GRIK4: variants seen among roughly 807,000 people sequenced by gnomAD.
GRIK4 encodes glutamate ionotropic receptor kainate type subunit 4.
A neutral mutation model predicts 104.9 loss-of-function variants in GRIK4; 40 were observed. That is an observed-to-expected ratio of 0.38 (90% CI 0.30 to 0.50). GRIK4 has a LOEUF of 0.50. Among genes scored for constraint, GRIK4 ranks in the 20% least tolerant of loss-of-function variants. The probability of loss-of-function intolerance (pLI) is 0.93; values close to 1 mark genes in which losing one functional copy is unlikely to be tolerated. For synonymous variants in GRIK4, 485 were observed against 524.9 expected, an observed-to-expected ratio of 0.92 and a Z score of 1.04; for missense variants, 1,047 against 1,308.1, an observed-to-expected ratio of 0.80 and a Z score of 3.08.
Position 120,817,125 on chromosome 11 carries a change from C to T in GRIK4, c.345+1650C>T, listed in dbSNP as rs966788230. On this transcript the variant is annotated intron_variant, in intron 5 of 20. Coordinates refer to ENST00000527524, the MANE Select transcript of GRIK4 (RefSeq NM_014619.5). ...CCCCATCTTCTCTCTTCTGCATCCT[C>T]TTTTTCTTTCCTCCTCTCTCCCTTC... Among the ~76,000 whole-genome samples, 7 of 152,320 alleles carry T rather than the reference C, an allele frequency of 4.6e-5. No homozygotes were observed. The East Asian group carries it at 1.4e-3, about 29-fold the overall frequency.
At chr11:120,551,530 CA>C (rs1948139813) in intron 1 of GRIK4, among the ~76,000 whole-genome samples, 1 of 152,154 alleles carries the variant, frequency 6.6e-6, no homozygotes, top group South Asian at 2.1e-4. Context: ...CCTGCAATCC[CA>C]GCACTTTGGG....
At position 120,953,614 on chromosome 11, in the gene GRIK4, G is replaced by T. The variant is rs520332; in HGVS notation, c.1700+650G>T. Among the ~76,000 whole-genome samples the T allele has an allele frequency of 0.15, 23,444 of 152,186 alleles. 1,860 individuals are homozygous for T. The highest frequency in any genetic ancestry group is 0.27 in the Middle Eastern group (78 of 294). On this transcript the variant is annotated intron_variant, in intron 15 of 20. Transcript: ENST00000527524. This position sits in a 1 kb window ranked among gnomAD's most constrained non-coding sequence, Gnocchi z 4.9. ...GAGACGCACGGGCCAGACCAGGGAG[G>T]GGGGAGAATAAGCCCTGCCCTATCC...
At chr11:120,779,771 T>A (rs1952115187) in intron 3 of GRIK4, among the ~76,000 whole-genome samples, 1 of 152,258 alleles carries the variant, frequency 6.6e-6, no homozygotes, top group Non-Finnish European at 1.5e-5. Context: ...TCTCCTTGCC[T>A]GTTTTCTTTC....
intron 3 of GRIK4, among the ~76,000 whole-genome samples, chr11:120,748,094 G>A (rs562431779): frequency 4.6e-5 from 7 of 152,298 alleles, no homozygotes; most frequent in South Asian, 2.1e-4. Flanking sequence ...CTGAGGAGCA[G>A]CCTTCAGCCT....
intron 1 of GRIK4, among the ~76,000 whole-genome samples, chr11:120,628,881 C>A (rs1591752534): frequency 6.6e-6 from 1 of 152,178 alleles, no homozygotes; most frequent in Non-Finnish European, 1.5e-5. Flanking sequence ...TCCCTCCCTT[C>A]CTTCCTTTTT....
chr11:120,850,087 C>A (rs532094747), intron 8 of GRIK4, among the ~76,000 whole-genome samples: 1 of 152,172 alleles, frequency 6.6e-6, no homozygotes, highest in Non-Finnish European at 1.5e-5. Context: ...CCCATGACTG[C>A]TCCATCTCAT....
At chr11:120,781,605 G>A (rs1952159051) in intron 3 of GRIK4, among the ~76,000 whole-genome samples, 1 of 152,116 alleles carries the variant, frequency 6.6e-6, no homozygotes. Context: ...TCCCACCTTG[G>A]CCTCCCAAAG....
intron 1 of GRIK4, among the ~76,000 whole-genome samples, chr11:120,570,372 T>C (rs1456659640): frequency 6.6e-6 from 1 of 152,262 alleles, no homozygotes; most frequent in Non-Finnish European, 1.5e-5. Context: ...TGCTTTTTTC[T>C]GAGATTTCCA....
chr11:120,790,034 G>A (rs1357479718), intron 3 of GRIK4, among the ~76,000 whole-genome samples: 1 of 152,128 alleles, frequency 6.6e-6, no homozygotes, highest in African/African-American at 2.4e-5. Context: ...ATGCCTTCCA[G>A]AGTCAAATGA....
intron 9 of GRIK4, among the ~76,000 whole-genome samples, chr11:120,864,433 G>A (rs939632475): frequency 6.6e-6 from 1 of 151,908 alleles, no homozygotes; most frequent in African/African-American, 2.4e-5. Flanking sequence ...GTAGAGATGG[G>A]GTTTCACCGT....
At position 120,971,053 on chromosome 11, in the gene GRIK4, A is replaced by G. The variant is rs567079000; in HGVS notation, c.2395+3730A>G. ...AGTAAGATAAATCAAGCATTCAGCA[A>G]AGTGCCTGGCACAAAGTTTATGGCA... On this transcript the variant is annotated intron_variant, in intron 19 of 20. Transcript: ENST00000527524. Among the ~76,000 whole-genome samples the G allele has an allele frequency of 7.2e-5, 11 of 152,328 alleles. No individual in the cohort carries two copies. The South Asian group carries it at 2.1e-3, about 29-fold the overall frequency.
At chr11:120,799,085 A>C (rs1407157000) in intron 3 of GRIK4, among the ~76,000 whole-genome samples, 1 of 152,150 alleles carries the variant, frequency 6.6e-6, no homozygotes, top group Admixed American at 6.5e-5. Flanking sequence ...GCCCAGCGTG[A>C]CTCTGAAACA....
intron 14 of GRIK4, among the ~76,000 whole-genome samples, chr11:120,951,208 G>A (rs577787213): frequency 6.6e-6 from 1 of 152,148 alleles, no homozygotes; most frequent in Non-Finnish European, 1.5e-5. Context: ...AGGCCCACCG[G>A]CTCCCTAAGA....
At chr11:120,642,478 ATT>A (rs35142789) in intron 1 of GRIK4, among the ~76,000 whole-genome samples, 15 of 140,400 alleles carry the variant, frequency 1.1e-4, no homozygotes, top group Non-Finnish European at 6.2e-5. Context: ...CTCTCTGGGC[ATT>A]TTTTTTTTTT....
intron 3 of GRIK4, 81 bp from the exon 4 acceptor site, chr11:120,802,612 C>G (rs921622679): frequency 4.1e-6 from 5 of 1,214,552 alleles, no homozygotes; most frequent in Non-Finnish European, 6.0e-6. Flanking sequence ...AGGAAGGTGG[C>G]AGCAGGGGGA....
chr11:120,764,646 G>A (rs547739986), intron 3 of GRIK4, among the ~76,000 whole-genome samples: 47 of 152,074 alleles, frequency 3.1e-4, no homozygotes, highest in African/African-American at 9.9e-4. Flanking sequence ...TGTAAGGCAG[G>A]CCTGGTGGTG....
chr11:120,622,124 C>T (rs1280708329), intron 1 of GRIK4, among the ~76,000 whole-genome samples: 1 of 152,146 alleles, frequency 6.6e-6, no homozygotes. Flanking sequence ...TGATCTCAAA[C>T]TCCTGACCTC....
At chr11:120,638,434 A>G (rs1003111376) in intron 1 of GRIK4, among the ~76,000 whole-genome samples, 3 of 151,536 alleles carry the variant, frequency 2.0e-5, no homozygotes, top group African/African-American at 7.3e-5. Context: ...AGAGTCCATG[A>G]TGTTTATCCT....
chr11:120,679,056 G>A (rs1307516331), intron 3 of GRIK4, among the ~76,000 whole-genome samples: 1 of 152,112 alleles, frequency 6.6e-6, no homozygotes, highest in Non-Finnish European at 1.5e-5. Flanking sequence ...TGAGATAAGA[G>A]TTGGGACTTC....
Sources: allele counts gnomAD v4.1 joint callset (sites outside exome capture counted in the v4.1 genomes callset), GRCh38; gene constraint gnomAD v4.1.1; non-coding constraint Gnocchi (gnomAD v3.1); transcripts MANE v1.5; gene names NCBI Gene and HGNC (gene_info 2026-07-23, HGNC 2026-07-21).